The following PRKD2 variants were observed in gnomAD, a reference collection of about 807,000 sequenced individuals.
PRKD2 encodes serine/threonine-protein kinase D2.
A neutral mutation model predicts 86.0 loss-of-function variants in PRKD2; 22 were observed. The observed-to-expected ratio is 0.26, with a 90% CI of 0.18 to 0.37. The LOEUF is 0.37. PRKD2 is among the 10% of genes least tolerant of loss of function. PRKD2 has a pLI of 1.00. For synonymous variants in PRKD2, 509 were observed against 510.9 expected, an observed-to-expected ratio of 1.00 and a Z score of 0.05; for missense variants, 818 against 1,199.2, an observed-to-expected ratio of 0.68 and a Z score of 4.70.
At position 46,694,089 on chromosome 19, in the gene PRKD2, G is replaced by A. The variant is rs1202874784; in HGVS notation, c.1362C>T (p.Asn454=). The A allele has an allele frequency of 6.2e-7, 1 of 1,614,052 alleles. No individual in the cohort carries two copies. The highest frequency in any genetic ancestry group is 8.5e-7 in the Non-Finnish European group (1 of 1,180,044). ...TGGTGCCCGGCGGCACAAGGCTGAAGTTCTGGGCGGACTCCACCGTGAGGA... is the reference window on the plus strand; with the variant it reads ...TGGTGCCCGGCGGCACAAGGCTGAAATTCTGGGCGGACTCCACCGTGAGGA... ...SEILTVESAQ[N]FSLVPPGTNP... Residue 454 remains asparagine (N), a synonymous_variant, in exon 10 of 18, where the codon AAC becomes AAT. Transcript: ENST00000291281.
In PRKD2 at chr19:46,704,604, T is replaced by C. The variant is rs773291492; in HGVS notation, c.557A>G (p.Asn186Ser). 2 of 1,613,674 alleles carry C rather than the reference T, an allele frequency of 1.2e-6. No homozygotes were observed. Among genetic ancestry groups the C allele is most frequent in the South Asian group, 1.1e-5 (1 of 91,056 alleles). Reference protein sequence around the residue: ...YHKRCAFSIPNNCSGARKRRL... With the variant: ...YHKRCAFSIPSNCSGARKRRL... ...CCGTTTGCGGGCCCCACTACAGTTG[T>C]TGGGGATGCTGAAGGCACAGCGCTT... Residue 186 changes from asparagine to serine, a missense_variant, in exon 4 of 18, where the codon AAC becomes AGC. Asn to Ser is a conservative substitution (Grantham distance 46). Transcript: ENST00000291281.
intron 9 of PRKD2, among the ~76,000 whole-genome samples, chr19:46,696,584 C>G (rs1266166528): frequency 2.0e-5 from 3 of 151,964 alleles, no homozygotes; most frequent in Non-Finnish European, 4.4e-5. Flanking sequence ...ATGGTGAAAC[C>G]CCGTCTCTAC....
Position 46,695,617 on chromosome 19 carries a change from G to A in PRKD2, c.1318-1484C>T, listed in dbSNP as rs181207506. The stretch of plus-strand genomic sequence containing the variant: ...TTTTGAGCATCATCCGCTTGTGTGC[G>A]GAGGGCAGATGGAATAGAATGAGAT... On this transcript the variant is annotated intron_variant, in intron 9 of 17. Coordinates refer to ENST00000291281, the MANE Select transcript of PRKD2 (RefSeq NM_016457.5). 1.8e-3 allele frequency among the ~76,000 whole-genome samples: 267 copies of A among 152,346 alleles called. 1 individual carries two copies. The highest frequency in any genetic ancestry group is 6.0e-3 in the African/African-American group (248 of 41,578).
chr19:46,690,145 A>G (rs1287292747), intron 13 of PRKD2, among the ~76,000 whole-genome samples: 2 of 152,086 alleles, frequency 1.3e-5, no homozygotes, highest in African/African-American at 4.8e-5. Context: ...TGTATCTTTT[A>G]AATCCATACC....
intron 3 of PRKD2, among the ~76,000 whole-genome samples, chr19:46,708,245 T>C (rs1156639958): frequency 6.6e-6 from 1 of 151,636 alleles, no homozygotes; most frequent in Non-Finnish European, 1.5e-5. Flanking sequence ...GGTGCCTTTA[T>C]GGAGGTAATT....
rs1158283095 is a variant in PRKD2, at chr19:46,716,354, G to A, written c.17C>T (p.Ser6Phe). 3 of 1,452,958 alleles carry A rather than the reference G, an allele frequency of 2.1e-6. No individual in the cohort carries two copies. Among genetic ancestry groups the A allele is most frequent in the Non-Finnish European group, 2.7e-6 (3 of 1,105,310 alleles). 90.0% of individuals were successfully genotyped at this position (1,452,958 alleles called of 1,614,324 possible). The change falls in exon 1 of 18, where the codon TCT becomes TTT. Residue 6 changes from serine to phenylalanine, a missense_variant. By Grantham distance (155) the Ser-to-Phe change is radical (BLOSUM62 -2). Around this residue, in one of 5 missense-constraint regions of PRKD2, gnomAD observed 403 missense variants for 518.6 expected, o/e 0.78. Coordinates refer to ENST00000291281, the MANE Select transcript of PRKD2 (RefSeq NM_016457.5). The surrounding 1 kb of genome is among the most constrained non-coding windows in gnomAD (Gnocchi z 7.9). ...AGAGCCAGGGAGCCCGGCGGGATAA[G>A]AGGGGGCGGTGGCCATGGGGGGAGG... Reference protein sequence around the residue: MATAPSYPAGLPGSPG... With the variant: MATAPFYPAGLPGSPG...
At chr19:46,711,316 T>C (rs2053805820) in intron 2 of PRKD2, among the ~76,000 whole-genome samples, 1 of 152,236 alleles carries the variant, frequency 6.6e-6, no homozygotes, top group Admixed American at 6.5e-5. Flanking sequence ...ACAACAGTTC[T>C]GGAGACCGGC....
At chr19:46,690,729 G>A (rs1237401698) in intron 12 of PRKD2, 23 bp from the exon 13 acceptor site, 2 of 1,605,122 alleles carry the variant, frequency 1.2e-6, no homozygotes, top group South Asian at 1.1e-5. Flanking sequence ...TAGAAGAGAT[G>A]GGGGATGAGA....
At chr19:46,711,460 C>A (rs2053807736) in intron 2 of PRKD2, among the ~76,000 whole-genome samples, 1 of 150,204 alleles carries the variant, frequency 6.7e-6, no homozygotes. Flanking sequence ...GTAGTGAGAT[C>A]TCGGCTCACC....
intron 4 of PRKD2, 34 bp downstream of exon 4, chr19:46,704,461 A>G: frequency 6.2e-7 from 1 of 1,613,972 alleles, no homozygotes; most frequent in Non-Finnish European, 8.5e-7. Flanking sequence ...TCACCCCCCT[A>G]GCCACCAACC....
intron 9 of PRKD2, among the ~76,000 whole-genome samples, chr19:46,694,574 G>A (rs1437430636): frequency 1.3e-5 from 2 of 152,014 alleles, no homozygotes; most frequent in East Asian, 3.9e-4. Context: ...CAGCCTGGGC[G>A]ACAGAGTGAG....
Position 46,693,750 on chromosome 19 carries a change from G to T in PRKD2, c.1576+125C>A, listed in dbSNP as rs1280461185. 7.3e-7 allele frequency: 1 copy of T among 1,364,282 alleles called. No homozygotes were observed. The highest frequency in any genetic ancestry group is 9.9e-7 in the Non-Finnish European group (1 of 1,011,170). 84.5% of individuals were successfully genotyped at this position (1,364,282 alleles called of 1,614,324 possible). The stretch of plus-strand genomic sequence containing the variant: ...AACAGAGTTTGAACCCAGGCCTGCT[G>T]AGTCCAGAAGCTGCGTTCTCAACCC... On this transcript the variant is annotated intron_variant, in intron 10 of 17. Transcript: ENST00000291281. This position sits in a 1 kb window ranked among gnomAD's most constrained non-coding sequence, Gnocchi z 4.5.
chr19:46,697,364 G>C, intron 8 of PRKD2, 130 bp from the exon 9 acceptor site: 1 of 661,380 alleles, frequency 1.5e-6, no homozygotes, highest in East Asian at 2.7e-5. Context: ...CCTACCCCAC[G>C]CCGTAACCCC....
In PRKD2 at chr19:46,678,445, G is replaced by A. The variant is rs766259352; in HGVS notation, c.2289C>T (p.Asn763=). Residue 763 remains asparagine (N), a synonymous_variant, in exon 16 of 18, where the codon AAC becomes AAT. Transcript: ENST00000291281. The surrounding 1 kb of genome is among the most constrained non-coding windows in gnomAD (Gnocchi z 5.7). ...EDEDINDQIQ[N]AAFMYPASPW... is the part of the protein sequence containing the mutation. Reference sequence around the variant, plus strand: ...GGCTGGCCGGGTACATGAAGGCGGCGTTCTGGATCTGGTCATTGATGTCCT... The same window carrying A: ...GGCTGGCCGGGTACATGAAGGCGGCATTCTGGATCTGGTCATTGATGTCCT... 1.4e-5 allele frequency: 22 copies of A among 1,614,068 alleles called. 1 individual carries two copies. Among genetic ancestry groups the A allele is most frequent in the African/African-American group, 6.7e-5 (5 of 74,918 alleles).
rs144514473 is a variant in PRKD2 at position 46,711,796 on chromosome 19, G to A, written c.380-758C>T. Among the ~76,000 whole-genome samples, 642 of 152,152 alleles carry A rather than the reference G, an allele frequency of 4.2e-3. 5 individuals carry two copies. Among genetic ancestry groups the A allele is most frequent in the African/African-American group, 0.015 (626 of 41,506 alleles). The stretch of plus-strand genomic sequence containing the variant: ...AAAAGAACATGGATAGGCGGTGCCC[G>A]GTGGCTCACATCTGTAATCCCAGCA... On this transcript the variant is annotated intron_variant, in intron 2 of 17. Transcript: ENST00000291281.
chr19:46,706,888 ATTTCT>A (rs2053720928), intron 3 of PRKD2, among the ~76,000 whole-genome samples: 1 of 145,436 alleles, frequency 6.9e-6, no homozygotes, highest in Non-Finnish European at 1.5e-5. Flanking sequence ...GAGAAACTGG[ATTTCT>A]TTTTTTTTTT....
rs531711859 is a variant in PRKD2, at chr19:46,702,472, GAC to G, written c.890-1362_890-1361del. Among the ~76,000 whole-genome samples, 9 of 152,160 alleles carry G rather than the reference GAC, an allele frequency of 5.9e-5. No individual in the cohort carries two copies. In the East Asian group the frequency reaches 1.5e-3, roughly 26 times the overall value. On this transcript the variant is annotated intron_variant, in intron 5 of 17. Transcript: ENST00000291281. ...GTTATATATCTAAACTCTAAAATTT[GAC>G]AGTTCTAGGGTTCTACAATTCTAGG...
At chr19:46,676,155 G>A (rs934531082) in intron 16 of PRKD2, among the ~76,000 whole-genome samples, 1 of 152,164 alleles carries the variant, frequency 6.6e-6, no homozygotes, top group Non-Finnish European at 1.5e-5. Flanking sequence ...CAGGCTGGGC[G>A]CGGTGGCTCA....
intron 3 of PRKD2, among the ~76,000 whole-genome samples, chr19:46,705,033 A>C (rs1342719300): frequency 1.6e-4 from 19 of 121,332 alleles, no homozygotes; most frequent in African/African-American, 4.6e-4. Flanking sequence ...CCTCACACCC[A>C]AAATTTTCCC....
Sources: gnomAD v4.1 joint callset for allele counts (sites outside exome capture counted in the v4.1 genomes callset) on GRCh38, gnomAD v4.1.1 for gene constraint, gnomAD v4.1.1 regional missense constraint, Gnocchi (gnomAD v3.1) non-coding constraint, MANE v1.5 for transcripts, NCBI Gene and HGNC (gene_info 2026-07-23, HGNC 2026-07-21) for gene names.